The following TLCD3B variants were observed in gnomAD, a reference collection of about 807,000 sequenced individuals.
The protein encoded by TLCD3B is TLC domain containing 3B, also known as ceramide synthase.
TLCD3B carries 9 observed loss-of-function variants against 23.0 expected under a neutral mutation model. The ratio of observed to expected loss-of-function variants is 0.39; its 90% CI spans 0.24 to 0.68. TLCD3B has a LOEUF of 0.68. Ranked by LOEUF, TLCD3B falls within the 30% of genes least tolerant of loss-of-function variation. The pLI is 0.44. For synonymous variants in TLCD3B, 161 were observed against 161.0 expected, an observed-to-expected ratio of 1.00 and a Z score of 0.00; for missense variants, 307 against 371.8, an observed-to-expected ratio of 0.83 and a Z score of 1.43.
At chr16:30,050,446 G>A (rs2071733120) in intron 1 of TLCD3B, among the ~76,000 whole-genome samples, 1 of 152,164 alleles carries the variant, frequency 6.6e-6, no homozygotes. Context: ...AGACTGAGGT[G>A]GAAGGATCCC....
At chr16:30,042,419 T>A (rs2071593174) in intron 2 of TLCD3B, among the ~76,000 whole-genome samples, 2 of 152,040 alleles carry the variant, frequency 1.3e-5, no homozygotes, top group Admixed American at 6.6e-5. Context: ...AGACGGGGTT[T>A]CACCATGTTG....
rs114210201 is a variant in TLCD3B, at chr16:30,030,492, G to A, written c.36C>T (p.Phe12=). The A allele has an allele frequency of 3.0e-3, 4,806 of 1,602,216 alleles. 137 individuals are homozygous for A. The African/African-American group carries it at 0.057, about 19-fold the overall frequency. The part of the protein sequence containing the change: ...LTPMVAGGVV[F]PGLFLLSKNT... ...TCTTGGAGAGGAGGAAGAGTCCGGG[G>A]AACACCACCCCCCCGGCCACCATCG... Residue 12 remains phenylalanine, a synonymous_variant, in exon 1 of 5, where the codon TTC becomes TTT. Transcript: ENST00000380495.
At chr16:30,038,917 T>C (rs2071525409) in intron 3 of TLCD3B, among the ~76,000 whole-genome samples, 1 of 152,026 alleles carries the variant, frequency 6.6e-6, no homozygotes, top group African/African-American at 2.4e-5. Context: ...TGAATAAAAA[T>C]TTTTTAAAAT....
chr16:30,030,641 G>A lies in TLCD3B; in HGVS notation c.-114C>T, dbSNP rs2071329213. ...CAAGCCCGGGAAGGAGGGAGAAAAC[G>A]ATGAGAAGGGGCACAAAGGGGCCAG... On this transcript the variant is annotated 5_prime_UTR_variant, in exon 1 of 5. Transcript: ENST00000380495. 9.6e-6 allele frequency: 12 copies of A among 1,249,756 alleles called. No homozygotes were observed. The highest frequency in any genetic ancestry group is 1.6e-5 in the African/African-American group (1 of 62,376). The allele number at this position is 1,249,756 out of a possible 1,614,324, so 77.4% of individuals were successfully genotyped here. A position where few individuals can be genotyped will look rare whatever the true frequency, so the allele number is the denominator to read the frequency against.
rs915720653 is a variant in TLCD3B at position 30,029,030 on chromosome 16, C to T, written c.209+402G>A. On this transcript the variant is annotated intron_variant, in intron 2 of 4. Transcript: ENST00000380495. The surrounding 1 kb of genome is among the most constrained non-coding windows in gnomAD (Gnocchi z 4.6). ...TCTCCCTCAGGCATGGAGTGGATGC[C>T]GGATGCCTGGATTATGGGAAGGGCT... Among the ~76,000 whole-genome samples, 2 of 152,142 alleles carry T rather than the reference C, an allele frequency of 1.3e-5. No individual in the cohort carries two copies. Among genetic ancestry groups the T allele is most frequent in the African/African-American group, 4.8e-5 (2 of 41,416 alleles).
chr16:30,037,140 G>T (rs139356318), intron 3 of TLCD3B, among the ~76,000 whole-genome samples: 6,356 of 151,648 alleles, frequency 0.042, 215 homozygotes, highest in Non-Finnish European at 0.066. Flanking sequence ...AAGTGCAGTG[G>T]TTCAGGCTGG....
chr16:30,026,870 G>A lies in TLCD3B; in HGVS notation c.210-27C>T, dbSNP rs1041798418. 5 of 1,594,488 alleles carry A rather than the reference G, an allele frequency of 3.1e-6. No individual in the cohort carries two copies. The Admixed American group carries it at 5.1e-5, about 16-fold the overall frequency. ...TGTTGGGCAGAGAGACGGGGTGGGGGAGCAAGGAGGAAAGGGGACACCAGT... is the reference window on the plus strand; with the variant it reads ...TGTTGGGCAGAGAGACGGGGTGGGGAAGCAAGGAGGAAAGGGGACACCAGT... On this transcript the variant is annotated intron_variant, in intron 2 of 4. Coordinates refer to ENST00000380495, the MANE Select transcript of TLCD3B (RefSeq NM_031478.6).
At chr16:30,027,174 G>A (rs1424623683) in intron 2 of TLCD3B, 3 of 481,554 alleles carry the variant, frequency 6.2e-6, no homozygotes, top group Admixed American at 2.3e-5. Context: ...GGACAGGCAG[G>A]TGGGACCTTG....
At chr16:30,027,114 G>A in intron 2 of TLCD3B, 1 of 570,602 alleles carries the variant, frequency 1.8e-6, no homozygotes, top group Non-Finnish European at 3.3e-6. Flanking sequence ...GAAAAGACCA[G>A]AAGATGCCCA....
chr16:30,038,709 G>A (rs1446774598), intron 3 of TLCD3B, among the ~76,000 whole-genome samples: 2 of 151,460 alleles, frequency 1.3e-5, no homozygotes, highest in African/African-American at 4.9e-5. Flanking sequence ...GAGAAGCCGA[G>A]ATCACGCCAC....
rs1323975863 is a variant in TLCD3B, at chr16:30,029,422, C to G, written c.209+10G>C. On this transcript the variant is annotated intron_variant, in intron 2 of 4. Transcript: ENST00000380495. The surrounding 1 kb of genome is among the most constrained non-coding windows in gnomAD (Gnocchi z 4.6). ...GGCACCTGGGCAGGGGGGTGTCTCG[C>G]AGCACTTACTGGTCATCAATGATGT... 6.2e-7 allele frequency: 1 copy of G among 1,613,098 alleles called. No individual in the cohort carries two copies. The highest frequency in any genetic ancestry group is 1.3e-5 in the African/African-American group (1 of 74,882).
rs1249090539 is a variant in TLCD3B at position 30,025,521 on chromosome 16, G to T, written c.541-54C>A. The T allele has an allele frequency of 1.2e-6, 2 of 1,601,078 alleles. No homozygotes were observed. Among genetic ancestry groups the T allele is most frequent in the Non-Finnish European group, 1.7e-6 (2 of 1,173,356 alleles). On this transcript the variant is annotated intron_variant, in intron 4 of 4. Transcript: ENST00000380495. The surrounding 1 kb of genome is among the most constrained non-coding windows in gnomAD (Gnocchi z 4.1). ...GCAGCAGAAGGGCTCGGCCCCCCTT[G>T]GCCCTCTCCCTGCCTCCCTGCGACC...
Position 30,025,279 on chromosome 16 carries a change from G to A in TLCD3B, c.729C>T (p.Ala243=), listed in dbSNP as rs1342437841. The change falls in exon 5 of 5, where the codon GCC becomes GCT. Residue 243 remains alanine, a synonymous_variant. Transcript: ENST00000380495. This position sits in a 1 kb window ranked among gnomAD's most constrained non-coding sequence, Gnocchi z 4.1. The part of the protein sequence containing the change: ...HVNLGAALLL[A]PQLYWFFLIC... Reference sequence around the variant, plus strand: ...TGAGGAAGAACCAGTAGAGCTGAGGGGCCAGGAGCAGCGCAGCGCCCAGGT... The same window carrying A: ...TGAGGAAGAACCAGTAGAGCTGAGGAGCCAGGAGCAGCGCAGCGCCCAGGT... 1 of 1,546,892 alleles carries A rather than the reference G, an allele frequency of 6.5e-7. No individual in the cohort carries two copies. The highest frequency in any genetic ancestry group is 1.2e-5 in the South Asian group (1 of 84,304).
At position 30,026,771 on chromosome 16, in the gene TLCD3B, G is replaced by C; in HGVS notation, c.282C>G (p.Leu94=). ...YFIYDIYAMF[L]CHWHKHQVKG... ...TGACCTGGTGCTTGTGCCAGTGACA[G>C]AGGAACATGGCGTAGATGTCGTAGA... The change falls in exon 3 of 5, where the codon CTC becomes CTG. Residue 94 remains leucine (L), a synonymous_variant. Coordinates refer to ENST00000380495, the MANE Select transcript of TLCD3B (RefSeq NM_031478.6). 2 of 1,614,196 alleles carry C rather than the reference G, an allele frequency of 1.2e-6. No individual in the cohort carries two copies. Among genetic ancestry groups the C allele is most frequent in the African/African-American group, 1.3e-5 (1 of 75,076 alleles).
chr16:30,048,446 T>G (rs1166161217), intron 1 of TLCD3B, among the ~76,000 whole-genome samples: 1 of 152,110 alleles, frequency 6.6e-6, no homozygotes, highest in Non-Finnish European at 1.5e-5. Context: ...CTATGCCATG[T>G]GCCTTGCATA....
chr16:30,033,508 T>C (rs1596757451), upstream of TLCD3B: 1 of 152,148 alleles, frequency 6.6e-6, no homozygotes. Flanking sequence ...CCTCCTGTGG[T>C]TTGCTGATAC....
In TLCD3B at chr16:30,025,842, G is replaced by A; in HGVS notation, c.445-21C>T. 10 of 1,599,712 alleles carry A rather than the reference G, an allele frequency of 6.3e-6. No individual in the cohort carries two copies. Among genetic ancestry groups the A allele is most frequent in the Non-Finnish European group, 8.6e-6 (10 of 1,167,702 alleles). On this transcript the variant is annotated intron_variant, in intron 3 of 4. Coordinates refer to ENST00000380495, the MANE Select transcript of TLCD3B (RefSeq NM_031478.6). The surrounding 1 kb of genome is among the most constrained non-coding windows in gnomAD (Gnocchi z 4.1). ...CACACCTGGGCACAGAGGCAGGAAG[G>A]TGAGGAGCTGGGGCTCTCCCTGGGT...
rs2071327686 is a variant in TLCD3B, at chr16:30,030,596, TA to T, written c.-70del. Reference sequence around the variant, plus strand: ...GGCAGGGAGGCCGAGTGGAAGGAGTTAGGGGTGGAGAAGGGACGCCAAGCCC... The same window carrying T: ...GGCAGGGAGGCCGAGTGGAAGGAGTTGGGGTGGAGAAGGGACGCCAAGCCC... On this transcript the variant is annotated 5_prime_UTR_variant, in exon 1 of 5. Transcript: ENST00000380495. The T allele has an allele frequency of 6.8e-7, 1 of 1,470,004 alleles. No homozygotes were observed. The highest frequency in any genetic ancestry group is 2.9e-5 in the Admixed American group (1 of 34,282). 91.1% of individuals were successfully genotyped at this position (1,470,004 alleles called of 1,614,324 possible).
chr16:30,036,614 A>G (rs2071479111), intron 3 of TLCD3B: 4 of 321,728 alleles, frequency 1.2e-5, no homozygotes, highest in Admixed American at 4.5e-5. Context: ...AGAAGGTGCC[A>G]TCCTCCTAAT....
Sources: gnomAD v4.1 joint callset for allele counts (sites outside exome capture counted in the v4.1 genomes callset) on GRCh38, gnomAD v4.1.1 for gene constraint, Gnocchi (gnomAD v3.1) non-coding constraint, MANE v1.5 for transcripts, NCBI Gene and HGNC (gene_info 2026-07-23, HGNC 2026-07-21) for gene names.